AOAH: variants seen among roughly 807,000 people sequenced by gnomAD.
AOAH encodes the protein acyloxyacyl hydrolase (neutrophil).
Under a neutral mutation model 92.2 loss-of-function variants are expected in AOAH, and 64 were observed. The observed-to-expected ratio is 0.69, with a 90% CI of 0.57 to 0.86. AOAH has a LOEUF of 0.86. Among genes scored for constraint, AOAH ranks in the 40% least tolerant of loss-of-function variants. The pLI is 0.00. For missense variants in AOAH, 656 were observed against 694.6 expected, an observed-to-expected ratio of 0.94 and a Z score of 0.62; for synonymous variants, 263 against 254.5, an observed-to-expected ratio of 1.03 and a Z score of -0.32.
chr7:36,623,210 C>G lies in AOAH; in HGVS notation c.562G>C (p.Asp188His). Residue 188 changes from aspartate (D) to histidine (H), a missense_variant, in exon 7 of 21, where the codon GAC (aspartate) becomes CAC (histidine). Asp to His is a moderately conservative substitution (Grantham distance 81). Coordinates refer to ENST00000617537, the MANE Select transcript of AOAH (RefSeq NM_001637.4). ...CTTACTGGGAAAACGCTGTATTTGT[C>G]TGAATCCACATCTTTGAATGGCACA... ...QSVPFKDVDSDKYSVFPTLRG... is the reference protein window; with the variant it reads ...QSVPFKDVDSHKYSVFPTLRG... The G allele has an allele frequency of 1.2e-6, 2 of 1,614,092 alleles. No individual in the cohort carries two copies. Among genetic ancestry groups the G allele is most frequent in the East Asian group, 4.5e-5 (2 of 44,872 alleles).
intron 3 of AOAH, among the ~76,000 whole-genome samples, chr7:36,671,107 G>A (rs1465803672): frequency 1.3e-5 from 2 of 152,066 alleles, no homozygotes; most frequent in Non-Finnish European, 2.9e-5. Flanking sequence ...CCTACTAGGT[G>A]TATAAATAGA....
intron 12 of AOAH, among the ~76,000 whole-genome samples, chr7:36,577,824 T>C (rs1245031946): frequency 6.6e-6 from 1 of 152,350 alleles, no homozygotes; most frequent in East Asian, 1.9e-4. Flanking sequence ...TTGAGTAATC[T>C]TCAAATGTAT....
chr7:36,671,854 G>A (rs936465109), intron 3 of AOAH, among the ~76,000 whole-genome samples: 2 of 152,140 alleles, frequency 1.3e-5, no homozygotes, highest in African/African-American at 4.8e-5. Context: ...GTGGCAAGGG[G>A]TGAGTCTGGA....
chr7:36,705,642 T>A (rs1297966718), intron 1 of AOAH, among the ~76,000 whole-genome samples: 1 of 152,080 alleles, frequency 6.6e-6, no homozygotes, highest in African/African-American at 2.4e-5. Context: ...TACTTTAAAT[T>A]TCATACGGAA....
intron 11 of AOAH, among the ~76,000 whole-genome samples, chr7:36,609,304 C>T (rs952936406): frequency 6.6e-6 from 1 of 152,184 alleles, no homozygotes; most frequent in Non-Finnish European, 1.5e-5. Context: ...CCGCTCTCCC[C>T]CTAAACCAAA....
chr7:36,669,505 C>T (rs1185430570), intron 3 of AOAH, among the ~76,000 whole-genome samples: 2 of 151,770 alleles, frequency 1.3e-5, no homozygotes, highest in Non-Finnish European at 2.9e-5. Flanking sequence ...GCCTCAGCCT[C>T]CTGAGTAGCT....
Position 36,522,031 on chromosome 7 carries a change from GTGC to G in AOAH, c.1599+5_1599+7del. 1.9e-6 allele frequency: 3 copies of G among 1,613,468 alleles called. No homozygotes were observed. Among genetic ancestry groups the G allele is most frequent in the Non-Finnish European group, 2.5e-6 (3 of 1,179,344 alleles). On this transcript the variant is annotated splice_donor_5th_base_variant and intron_variant, in intron 20 of 20. Coordinates refer to ENST00000617537, the MANE Select transcript of AOAH (RefSeq NM_001637.4). ...AGCCTTCTGCAGCCACCATGTGACT[GTGC>G]TTACCTCGTTGGGGTGGAATCCATC...
chr7:36,687,750 T>C (rs1312386144), intron 1 of AOAH, among the ~76,000 whole-genome samples: 1 of 152,166 alleles, frequency 6.6e-6, no homozygotes, highest in African/African-American at 2.4e-5. Flanking sequence ...GGCTCTTGAT[T>C]GTCCATCAAT....
chr7:36,529,841 GT>G (rs1784591394), intron 19 of AOAH, among the ~76,000 whole-genome samples: 1 of 152,218 alleles, frequency 6.6e-6, no homozygotes, highest in African/African-American at 2.4e-5. Flanking sequence ...CCACTCAGCA[GT>G]GACTCCGGTG....
chr7:36,661,291 C>T (rs1478268143), intron 3 of AOAH: 1 of 152,258 alleles, frequency 6.6e-6, no homozygotes, highest in African/African-American at 2.4e-5. Context: ...CCCTGGGCTA[C>T]TCTCAGAATA....
rs141353393 is a variant in AOAH, at chr7:36,648,416, CT to C, written c.391-10507del. ...ACCATTTGTTTGTGGCCTTTGCTGA[CT>C]TTTTTTTTCTTTTTGATTTTTTTAG... On this transcript the variant is annotated intron_variant, in intron 4 of 20. Coordinates refer to ENST00000617537, the MANE Select transcript of AOAH (RefSeq NM_001637.4). 6.8e-3 allele frequency among the ~76,000 whole-genome samples: 1,028 copies of C among 151,320 alleles called. 24 individuals carry two copies. The highest frequency in any genetic ancestry group is 0.058 in the Admixed American group (887 of 15,216).
At chr7:36,628,140 G>C (rs780989506) in intron 6 of AOAH, among the ~76,000 whole-genome samples, 45 of 152,176 alleles carry the variant, frequency 3.0e-4, no homozygotes, top group African/African-American at 8.0e-4. Context: ...GGAAGTAGCA[G>C]GGTATGGGGA....
At chr7:36,635,762 TG>T (rs1793476725) in intron 5 of AOAH, among the ~76,000 whole-genome samples, 1 of 152,180 alleles carries the variant, frequency 6.6e-6, no homozygotes, top group African/African-American at 2.4e-5. Flanking sequence ...GATTTAAACG[TG>T]GGGTTTCTCA....
chr7:36,648,515 G>A (rs1157291907), intron 4 of AOAH, among the ~76,000 whole-genome samples: 1 of 151,114 alleles, frequency 6.6e-6, no homozygotes, highest in Admixed American at 6.6e-5. Context: ...TATGCCATTT[G>A]TCTTTTGACT....
At chr7:36,632,610 A>G (rs1252964557) in intron 5 of AOAH, among the ~76,000 whole-genome samples, 1 of 152,154 alleles carries the variant, frequency 6.6e-6, no homozygotes, top group Non-Finnish European at 1.5e-5. Flanking sequence ...GATTTCTATG[A>G]GGCTCCAGAT....
At chr7:36,650,260 G>A (rs1794495817) in intron 4 of AOAH, among the ~76,000 whole-genome samples, 1 of 152,150 alleles carries the variant, frequency 6.6e-6, no homozygotes, top group Non-Finnish European at 1.5e-5. Flanking sequence ...CAAATAGTTT[G>A]GGTCTAAAAC....
chr7:36,631,720 C>T (rs1279341022), intron 6 of AOAH, among the ~76,000 whole-genome samples: 1 of 152,190 alleles, frequency 6.6e-6, no homozygotes, highest in African/African-American at 2.4e-5. Flanking sequence ...CAGAGAGGGG[C>T]TGTTTCCAGG....
At chr7:36,710,314 T>G (rs9784916) in intron 1 of AOAH, among the ~76,000 whole-genome samples, 124,576 of 152,174 alleles carry the variant, frequency 0.82, 51,248 homozygotes, top group East Asian at 1. Context: ...TTCTCTAGCT[T>G]GTTTTGAAAG....
intron 5 of AOAH, among the ~76,000 whole-genome samples, chr7:36,635,670 C>T (rs1793469629): frequency 6.6e-6 from 1 of 152,204 alleles, no homozygotes; most frequent in South Asian, 2.1e-4. Context: ...ATGGTGCTCC[C>T]CAAAGTTTAG....
Sources: gnomAD v4.1 joint callset for allele counts (sites outside exome capture counted in the v4.1 genomes callset) on GRCh38, gnomAD v4.1.1 for gene constraint, MANE v1.5 for transcripts, NCBI Gene and HGNC (gene_info 2026-07-23, HGNC 2026-07-21) for gene names.